PCDHGA1: variants seen among roughly 807,000 people sequenced by gnomAD.
The protein encoded by PCDHGA1 is protocadherin gamma subfamily A, 1.
Under a neutral mutation model 58.0 loss-of-function variants are expected in PCDHGA1, and 32 were observed. That is an observed-to-expected ratio of 0.55 (90% CI 0.42 to 0.74). The LOEUF (loss-of-function observed/expected upper bound fraction) is 0.74. Ranked by LOEUF, PCDHGA1 falls within the 30% of genes least tolerant of loss-of-function variation. PCDHGA1 has a pLI of 0.00. For missense variants in PCDHGA1, 1,205 were observed against 1,182.3 expected, an observed-to-expected ratio of 1.02 and a Z score of -0.28; for synonymous variants, 498 against 501.1, an observed-to-expected ratio of 0.99 and a Z score of 0.08.
chr5:141,410,410 A>G, intron 1 of PCDHGA1: 1 of 1,613,986 alleles, frequency 6.2e-7, no homozygotes, highest in Non-Finnish European at 8.5e-7. Context: ...TCAAGTCTGG[A>G]CCTGTAGTTC....
At chr5:141,381,261 C>G (rs1221626643) in intron 1 of PCDHGA1, among the ~76,000 whole-genome samples, 2 of 152,248 alleles carry the variant, frequency 1.3e-5, no homozygotes, top group Non-Finnish European at 2.9e-5. Flanking sequence ...AATTTACAAA[C>G]CAAGACTGTT....
intron 1 of PCDHGA1, chr5:141,371,772 C>A (rs1169459102): frequency 6.2e-7 from 1 of 1,614,022 alleles, no homozygotes; most frequent in Admixed American, 1.7e-5. Context: ...CTACACCGTG[C>A]ATGTAGCTGA....
intron 1 of PCDHGA1, among the ~76,000 whole-genome samples, chr5:141,453,490 G>A (rs921556476): frequency 6.6e-6 from 1 of 151,922 alleles, no homozygotes; most frequent in Admixed American, 6.6e-5. Flanking sequence ...TTAAAAAAAG[G>A]TGTACTCAGA....
chr5:141,339,539 A>G, intron 1 of PCDHGA1: 1 of 1,614,136 alleles, frequency 6.2e-7, no homozygotes, highest in Non-Finnish European at 8.5e-7. Context: ...TGATGGGAAC[A>G]AGTACCCAGA....
intron 1 of PCDHGA1, chr5:141,364,177 C>T (rs1432921471): frequency 3.5e-6 from 3 of 848,492 alleles, no homozygotes; most frequent in East Asian, 3.0e-5. Context: ...GACTCTGCTC[C>T]CTCCATACTA....
In PCDHGA1 at chr5:141,505,466, T is replaced by C. The variant is rs763151131; in HGVS notation, c.2554T>C (p.Leu852=). 1 of 1,614,200 alleles carries C rather than the reference T, an allele frequency of 6.2e-7. No individual in the cohort carries two copies. The highest frequency in any genetic ancestry group is 1.3e-5 in the African/African-American group (1 of 75,068). The part of the protein sequence containing the change: ...FDTEMLQAMI[L]ASASEAADGS... Reference sequence around the variant, plus strand: ...CACAGAGATGCTGCAAGCCATGATCTTGGCGTCCGCCAGTGGTAAGTGGTG... The same window carrying C: ...CACAGAGATGCTGCAAGCCATGATCCTGGCGTCCGCCAGTGGTAAGTGGTG... The change falls in exon 3 of 4, where the codon TTG becomes CTG. Residue 852 remains leucine, a synonymous_variant. Transcript: ENST00000517417.
intron 1 of PCDHGA1, chr5:141,360,332 T>C (rs1761541281): frequency 1.2e-6 from 2 of 1,613,966 alleles, no homozygotes; most frequent in Non-Finnish European, 1.7e-6. Context: ...GCCCGGAAGC[T>C]GCGGGTTAGC....
intron 1 of PCDHGA1, among the ~76,000 whole-genome samples, chr5:141,465,779 GT>G (rs879859429): frequency 5.2e-4 from 76 of 145,138 alleles, no homozygotes; most frequent in South Asian, 1.1e-3. Flanking sequence ...TCTTGTTACA[GT>G]TTTTTTTTTT....
chr5:141,476,196 A>G lies in PCDHGA1; in HGVS notation c.2422-18611A>G, dbSNP rs2099386612. The G allele has an allele frequency of 6.2e-7, 1 of 1,613,852 alleles. No individual in the cohort carries two copies. Among genetic ancestry groups the G allele is most frequent in the South Asian group, 1.1e-5 (1 of 91,074 alleles). ...GTTTTGCTTCTGCTTGGTGCCTTGA[A>G]CAAGGCTTCCACGGTCATTCACTAT... On this transcript the variant is annotated intron_variant, in intron 1 of 3. Coordinates refer to ENST00000517417, the MANE Select transcript of PCDHGA1 (RefSeq NM_018912.3). This position sits in a 1 kb window ranked among gnomAD's most constrained non-coding sequence, Gnocchi z 7.6.
chr5:141,403,215 G>A (rs2150961720), intron 1 of PCDHGA1: 1 of 1,613,996 alleles, frequency 6.2e-7, no homozygotes, highest in South Asian at 1.1e-5. Flanking sequence ...GTCACCGCGG[G>A]TAGGATAGAC....
At chr5:141,375,947 C>A in intron 1 of PCDHGA1, 2 of 1,613,578 alleles carry the variant, frequency 1.2e-6, no homozygotes, top group Non-Finnish European at 8.5e-7. Context: ...AGTGGGCCTG[C>A]ACACGGGCGA....
intron 1 of PCDHGA1, chr5:141,395,911 T>C (rs964928270): frequency 2.6e-5 from 4 of 152,144 alleles, no homozygotes; most frequent in African/African-American, 9.7e-5. Flanking sequence ...CATGGAGACA[T>C]GAAATCTAAA....
At chr5:141,400,665 G>C (rs1463001564) in intron 1 of PCDHGA1, 5 of 984,364 alleles carry the variant, frequency 5.1e-6, no homozygotes, top group Non-Finnish European at 7.6e-6. Flanking sequence ...CATTCTTTAA[G>C]AGGAGCAGTA....
In PCDHGA1 at chr5:141,351,775, G is replaced by T. The variant is rs757269142; in HGVS notation, c.2421+18670G>T. 9.3e-6 allele frequency: 15 copies of T among 1,613,356 alleles called. No homozygotes were observed. In the South Asian group the frequency reaches 1.3e-4, roughly 14 times the overall value. On this transcript the variant is annotated intron_variant, in intron 1 of 3. Transcript: ENST00000517417. Reference sequence around the variant, plus strand: ...TGTTGTCCTACGTGTCCGTGAGCCCGCAGAGCGGGGTGGTGTTCGCGCAGC... The same window carrying T: ...TGTTGTCCTACGTGTCCGTGAGCCCTCAGAGCGGGGTGGTGTTCGCGCAGC...
intron 1 of PCDHGA1, chr5:141,371,816 C>T: frequency 6.2e-7 from 1 of 1,613,888 alleles, no homozygotes; most frequent in Non-Finnish European, 8.5e-7. Context: ...TTGCGCATGT[C>T]AGAGCCTCGG....
At chr5:141,392,010 A>T (rs949188518) in intron 1 of PCDHGA1, 1 of 152,234 alleles carries the variant, frequency 6.6e-6, no homozygotes, top group African/African-American at 2.4e-5. Context: ...TGCAATGGTA[A>T]AAGCATTTAT....
intron 1 of PCDHGA1, among the ~76,000 whole-genome samples, chr5:141,401,338 A>G (rs2094142012): frequency 6.6e-6 from 1 of 152,186 alleles, no homozygotes; most frequent in Non-Finnish European, 1.5e-5. Flanking sequence ...GCAAAACTCC[A>G]TCTCAAAAAA....
chr5:141,395,413 GT>G, intron 1 of PCDHGA1: 2 of 791,446 alleles, frequency 2.5e-6, no homozygotes, highest in Non-Finnish European at 3.8e-6. Context: ...ATAGGTTATT[GT>G]TTCATTTGCT....
At chr5:141,333,656 T>A (rs115724995) in intron 1 of PCDHGA1, 8,868 of 154,830 alleles carry the variant, frequency 0.057, 303 homozygotes, top group Admixed American at 0.092. Flanking sequence ...AACTGCAATT[T>A]TAAATTATTG....
Sources: allele counts gnomAD v4.1 joint callset (sites outside exome capture counted in the v4.1 genomes callset), GRCh38; gene constraint gnomAD v4.1.1; non-coding constraint Gnocchi (gnomAD v3.1); transcripts MANE v1.5; gene names NCBI Gene and HGNC (gene_info 2026-07-23, HGNC 2026-07-21).